CNTNAP2: variants seen among roughly 807,000 people sequenced by gnomAD.
CNTNAP2 encodes contactin associated protein 2.
Under a neutral mutation model 155.2 loss-of-function variants are expected in CNTNAP2, and 98 were observed. The observed-to-expected ratio is 0.63, with a 90% CI of 0.54 to 0.75. The LOEUF (loss-of-function observed/expected upper bound fraction) is 0.75. CNTNAP2 is among the 30% of genes least tolerant of loss of function. CNTNAP2 has a pLI of 0.00. For synonymous variants in CNTNAP2, 651 were observed against 631.2 expected (o/e 1.03, Z -0.47); for missense variants, 1,727 against 1,688.1 (o/e 1.02, Z -0.40).
chr7:147,090,352 T>TG (rs370171724), intron 4 of CNTNAP2, among the ~76,000 whole-genome samples: 3,094 of 144,516 alleles, frequency 0.021, 44 homozygotes, highest in Middle Eastern at 0.053. Flanking sequence ...TGTGTGTGTG[T>TG]TACAATTCTC....
intron 20 of CNTNAP2, among the ~76,000 whole-genome samples, chr7:148,260,460 C>CT (rs1796538692): frequency 6.6e-6 from 1 of 152,192 alleles, no homozygotes; most frequent in African/African-American, 2.4e-5. Context: ...TATGTGCTTC[C>CT]TCCTTTTTCC....
chr7:147,325,504 G>T (rs1795438074), intron 9 of CNTNAP2, among the ~76,000 whole-genome samples: 1 of 152,158 alleles, frequency 6.6e-6, no homozygotes, highest in Admixed American at 6.5e-5. Context: ...GAAAGTCCTA[G>T]ACTGAGGGAA....
intron 15 of CNTNAP2, among the ~76,000 whole-genome samples, chr7:148,024,173 A>AAAAAAAAAAAAAAAAAAAAAAAAAAAC: frequency 6.8e-6 from 1 of 147,888 alleles, no homozygotes; most frequent in Non-Finnish European, 1.5e-5. Flanking sequence ...AAAAAAAAAA[A>AAAAAAAAAAAAAAAAAAAAAAAAAAAC]AAAAAACTTT....
At chr7:148,247,579 G>C (rs1003092250) in intron 20 of CNTNAP2, among the ~76,000 whole-genome samples, 2 of 149,234 alleles carry the variant, frequency 1.3e-5, no homozygotes, top group Non-Finnish European at 3.0e-5. Flanking sequence ...TTGCTGTTTC[G>C]GGTCAGCTTC....
chr7:147,786,365 A>G (rs971281613), intron 13 of CNTNAP2, among the ~76,000 whole-genome samples: 1 of 147,102 alleles, frequency 6.8e-6, no homozygotes, highest in South Asian at 2.1e-4. Flanking sequence ...CTCAACAGTG[A>G]GGAGGGGGTC....
intron 3 of CNTNAP2, among the ~76,000 whole-genome samples, chr7:146,842,833 C>T (rs941167485): frequency 6.6e-6 from 1 of 151,172 alleles, no homozygotes; most frequent in South Asian, 2.1e-4. Flanking sequence ...CCACAGGCGC[C>T]CGCCACCACG....
intron 1 of CNTNAP2, among the ~76,000 whole-genome samples, chr7:146,298,283 C>T (rs1800548367): frequency 6.6e-6 from 1 of 152,130 alleles, no homozygotes; most frequent in South Asian, 2.1e-4. Context: ...TTCAAAAAGT[C>T]TATACTGTTC....
intron 1 of CNTNAP2, among the ~76,000 whole-genome samples, chr7:146,679,010 T>C (rs1434748352): frequency 6.6e-6 from 1 of 152,212 alleles, no homozygotes; most frequent in Non-Finnish European, 1.5e-5. Flanking sequence ...TTAGGTGTTC[T>C]TTGTTTTAAC....
intron 12 of CNTNAP2, among the ~76,000 whole-genome samples, chr7:147,619,640 G>C (rs1018256048): frequency 6.6e-6 from 1 of 152,192 alleles, no homozygotes; most frequent in East Asian, 1.9e-4. Context: ...CTTGTGGCTT[G>C]AGTGACAGCT....
intron 1 of CNTNAP2, among the ~76,000 whole-genome samples, chr7:146,151,531 G>A (rs1444648579): frequency 6.8e-6 from 1 of 148,064 alleles, no homozygotes; most frequent in Non-Finnish European, 1.5e-5. Context: ...TTAGCATAAT[G>A]TTCTCTAGGC....
intron 1 of CNTNAP2, among the ~76,000 whole-genome samples, chr7:146,357,280 A>G (rs1563053346): frequency 6.7e-6 from 1 of 150,126 alleles, no homozygotes; most frequent in Non-Finnish European, 1.5e-5. Flanking sequence ...AACATACCCC[A>G]CTACGTCTCT....
intron 15 of CNTNAP2, among the ~76,000 whole-genome samples, chr7:148,102,870 G>A (rs919032026): frequency 5.3e-5 from 8 of 152,108 alleles, no homozygotes; most frequent in South Asian, 2.1e-4. Context: ...TTAAGGTTGC[G>A]GGCCCATGAC....
chr7:146,811,735 T>C (rs1024240852), intron 2 of CNTNAP2, among the ~76,000 whole-genome samples: 1 of 152,140 alleles, frequency 6.6e-6, no homozygotes, highest in Non-Finnish European at 1.5e-5. Context: ...ATAATCCTCA[T>C]GTGTTGTGGG....
chr7:147,787,152 C>T (rs767547696), intron 13 of CNTNAP2, among the ~76,000 whole-genome samples: 15 of 152,148 alleles, frequency 9.9e-5, no homozygotes, highest in South Asian at 4.1e-4. Flanking sequence ...TGCAGGTGTG[C>T]GCTTTCACTT....
chr7:146,269,349 A>G (rs1016771835), intron 1 of CNTNAP2, among the ~76,000 whole-genome samples: 1 of 151,886 alleles, frequency 6.6e-6, no homozygotes, highest in Non-Finnish European at 1.5e-5. Flanking sequence ...AAATCAATCA[A>G]TCAATCAATC....
At chr7:148,031,128 A>G (rs1194023911) in intron 15 of CNTNAP2, among the ~76,000 whole-genome samples, 1 of 152,152 alleles carries the variant, frequency 6.6e-6, no homozygotes, top group Non-Finnish European at 1.5e-5. Context: ...CCTAATTGGC[A>G]CTTCCAGAAT....
At chr7:147,042,564 T>A (rs1023218823) in intron 3 of CNTNAP2, among the ~76,000 whole-genome samples, 2 of 152,088 alleles carry the variant, frequency 1.3e-5, no homozygotes, top group Non-Finnish European at 2.9e-5. Flanking sequence ...ATTAAAAACA[T>A]CTCTCGCTCT....
At chr7:146,346,720 GAA>G (rs1563048978) in intron 1 of CNTNAP2, among the ~76,000 whole-genome samples, 1 of 151,804 alleles carries the variant, frequency 6.6e-6, no homozygotes, top group Admixed American at 6.6e-5. Context: ...GAAAAAAAAA[GAA>G]AAAGAGAGAC....
chr7:148,275,863 C>T (rs1017418488), intron 21 of CNTNAP2, among the ~76,000 whole-genome samples: 1 of 152,176 alleles, frequency 6.6e-6, no homozygotes, highest in African/African-American at 2.4e-5. Context: ...GAAGCAGACC[C>T]TACCTCTTGG....
Sources: gnomAD v4.1 joint callset for allele counts (sites outside exome capture counted in the v4.1 genomes callset) on GRCh38, gnomAD v4.1.1 for gene constraint, MANE v1.5 for transcripts, NCBI Gene and HGNC (gene_info 2026-07-23, HGNC 2026-07-21) for gene names.